Variants in HIVEP3 observed in about 807,000 individuals in gnomAD.
HIVEP3 encodes the protein transcription factor HIVEP3.
HIVEP3 carries 49 observed loss-of-function variants against 152.8 expected under a neutral mutation model. The ratio of observed to expected loss-of-function variants is 0.32; its 90% CI spans 0.26 to 0.41. The LOEUF (loss-of-function observed/expected upper bound fraction) is 0.41, where lower values mean the gene tolerates loss of function less well. HIVEP3 is among the 10% of genes least tolerant of loss of function. The pLI is 1.00. For missense variants in HIVEP3, 2,790 were observed against 3,103.3 expected (o/e 0.90, Z 2.40); for synonymous variants, 1,269 against 1,289.0 (o/e 0.98, Z 0.33).
intron 2 of HIVEP3, among the ~76,000 whole-genome samples, chr1:41,632,561 T>A (rs1334065078): frequency 2.6e-5 from 4 of 151,820 alleles, no homozygotes; most frequent in Non-Finnish European, 4.4e-5. Flanking sequence ...ATCGAGACCA[T>A]CCTGGCCAAC....
chr1:41,949,940 G>A (rs532312183), intron 1 of HIVEP3, among the ~76,000 whole-genome samples: 66 of 152,230 alleles, frequency 4.3e-4, no homozygotes, highest in Admixed American at 2.3e-3. Context: ...CAGTTAGAGC[G>A]GTCATCGGCC....
intron 1 of HIVEP3, among the ~76,000 whole-genome samples, chr1:41,932,203 C>G (rs1335910415): frequency 6.6e-6 from 1 of 151,670 alleles, no homozygotes; most frequent in African/African-American, 2.4e-5. Context: ...AAATAATCAT[C>G]GTTTTTCTTT....
intron 2 of HIVEP3, among the ~76,000 whole-genome samples, chr1:41,657,833 G>A (rs917077753): frequency 2.6e-5 from 4 of 152,184 alleles, no homozygotes; most frequent in East Asian, 1.9e-4. Context: ...TTGCAGGTCC[G>A]GGACAAGGGG....
intron 1 of HIVEP3, among the ~76,000 whole-genome samples, chr1:41,705,481 G>C (rs1646419382): frequency 6.6e-6 from 1 of 152,214 alleles, no homozygotes; most frequent in Non-Finnish European, 1.5e-5. Flanking sequence ...CCAGAAACAT[G>C]TTTGCTTGTA....
At chr1:41,527,881 ACACT>A (rs1222649174) in intron 5 of HIVEP3, among the ~76,000 whole-genome samples, 8 of 123,624 alleles carry the variant, frequency 6.5e-5, no homozygotes, top group South Asian at 2.6e-4. Context: ...TCACACATTC[ACACT>A]CACACCCCAC....
intron 1 of HIVEP3, among the ~76,000 whole-genome samples, chr1:41,903,907 T>C (rs1415702277): frequency 1.5e-5 from 2 of 131,782 alleles, no homozygotes. Context: ...TTTTTTTCTT[T>C]TTTTTTTTTT....
chr1:41,845,401 CTA>C (rs1643409494), intron 1 of HIVEP3, among the ~76,000 whole-genome samples: 2 of 135,628 alleles, frequency 1.5e-5, no homozygotes, highest in African/African-American at 5.9e-5. Flanking sequence ...TACACACCTC[CTA>C]TACACACACA....
At chr1:41,942,239 G>T (rs959116445) in intron 1 of HIVEP3, among the ~76,000 whole-genome samples, 11 of 152,148 alleles carry the variant, frequency 7.2e-5, no homozygotes, top group African/African-American at 2.7e-4. Context: ...ATCCATATGG[G>T]TGTCCCATGA....
At position 41,662,331 on chromosome 1, in the gene HIVEP3, C is replaced by T. The variant is rs2124048328; in HGVS notation, c.-720-33384G>A. 1.4e-5 allele frequency: 2 copies of T among 145,380 alleles called. No homozygotes were observed. Among genetic ancestry groups the T allele is most frequent in the African/African-American group, 4.9e-5 (2 of 40,686 alleles). 9.0% of individuals were successfully genotyped at this position (145,380 alleles called of 1,614,324 possible). On this transcript the variant is annotated intron_variant, in intron 2 of 8. Transcript: ENST00000372583. The surrounding 1 kb of genome is among the most constrained non-coding windows in gnomAD (Gnocchi z 7.2). ...GCGGGGTGGGCGCGGGGCGGGCTGG[C>T]GGGCGGGCGCCGGCGGCGGGCGCGG...
At position 41,867,157 on chromosome 1, in the gene HIVEP3, G is replaced by C. The variant is rs545518014; in HGVS notation, c.-801+51256C>G. On this transcript the variant is annotated intron_variant, in intron 1 of 8. Transcript: ENST00000372583. ...CACTCCAGCAGGAACTCCAGGTAGA[G>C]AGCTGTTCTGCAGTGGGCATTTCTA... Among the ~76,000 whole-genome samples the C allele has an allele frequency of 2.6e-5, 4 of 152,246 alleles. No homozygotes were observed. In the South Asian group the frequency reaches 6.2e-4, roughly 24 times the overall value.
At chr1:41,893,068 A>G (rs1401901497) in intron 1 of HIVEP3, among the ~76,000 whole-genome samples, 1 of 147,284 alleles carries the variant, frequency 6.8e-6, no homozygotes, top group Non-Finnish European at 1.5e-5. Flanking sequence ...GGCTGTAGCG[A>G]GCCATGTTCG....
intron 7 of HIVEP3, among the ~76,000 whole-genome samples, chr1:41,518,192 A>T (rs1253831661): frequency 6.6e-6 from 1 of 152,064 alleles, no homozygotes; most frequent in Non-Finnish European, 1.5e-5. Flanking sequence ...TCCTATCAGC[A>T]TGTGGGGAGG....
At position 41,530,534 on chromosome 1, in the gene HIVEP3, C is replaced by T. The variant is rs553951104; in HGVS notation, c.5208-5624G>A. On this transcript the variant is annotated intron_variant, in intron 5 of 8. Coordinates refer to ENST00000372583, the MANE Select transcript of HIVEP3 (RefSeq NM_024503.5). ...AGACAGAGTGAGGACAGCTTGGTCT[C>T]CCCTTTGCACTGGAAGCCCCGCAAC... is the stretch of plus-strand genomic sequence containing the variant. 1.1e-4 allele frequency among the ~76,000 whole-genome samples: 17 copies of T among 152,298 alleles called. No individual in the cohort carries two copies. The East Asian group carries it at 3.1e-3, about 28-fold the overall frequency.
chr1:41,740,065 C>A (rs1488440960), intron 1 of HIVEP3, among the ~76,000 whole-genome samples: 2 of 152,202 alleles, frequency 1.3e-5, no homozygotes, highest in Non-Finnish European at 2.9e-5. Flanking sequence ...CAAAGTCACA[C>A]AGCTAAGAAG....
At position 41,511,147 on chromosome 1, in the gene HIVEP3, G is replaced by T. The variant is rs1296124302; in HGVS notation, c.6525C>A (p.Asn2175Lys). 6.2e-7 allele frequency: 1 copy of T among 1,614,198 alleles called. No homozygotes were observed. The highest frequency in any genetic ancestry group is 8.5e-7 in the Non-Finnish European group (1 of 1,180,034). The change falls in exon 9 of 9, where the codon AAC becomes AAA. Residue 2175 changes from asparagine (N) to lysine (K), a missense_variant. Transcript: ENST00000372583. This position sits in a 1 kb window ranked among gnomAD's most constrained non-coding sequence, Gnocchi z 4.9. ...HGHILARTEENIFSHLPLHSQ... is the reference protein window; with the variant it reads ...HGHILARTEEKIFSHLPLHSQ... The stretch of plus-strand genomic sequence containing the variant: ...AGTGCAGAGGCAGGTGGCTGAAGAT[G>T]TTCTCCTCTGTCCGGGCCAGGATGT...
chr1:41,810,856 C>T (rs1021817346), intron 1 of HIVEP3, among the ~76,000 whole-genome samples: 3 of 150,040 alleles, frequency 2.0e-5, no homozygotes, highest in Admixed American at 6.6e-5. Flanking sequence ...CTTTAAGAAG[C>T]CAGGTGGCCT....
chr1:41,955,014 C>T (rs1025627891), intron 1 of HIVEP3, among the ~76,000 whole-genome samples: 3 of 147,298 alleles, frequency 2.0e-5, no homozygotes, highest in Non-Finnish European at 4.5e-5. Context: ...AAAATTGAGG[C>T]TGGGGAGGCT....
intron 2 of HIVEP3, among the ~76,000 whole-genome samples, chr1:41,650,619 T>C (rs1182078521): frequency 6.6e-6 from 1 of 151,740 alleles, no homozygotes; most frequent in African/African-American, 2.4e-5. Flanking sequence ...CAAGTCCTGC[T>C]TCATCCTCTC....
rs955853094 is a variant in HIVEP3 at position 41,509,148 on chromosome 1, G to A, written c.*1303C>T. On this transcript the variant is annotated 3_prime_UTR_variant, in exon 9 of 9. Coordinates refer to ENST00000372583, the MANE Select transcript of HIVEP3 (RefSeq NM_024503.5). ...TGCTTTGGAGAATTCCAACGAGTTA[G>A]GACAATTCAAAAATCCTCTAGGTCA... The A allele has an allele frequency of 1.3e-5, 2 of 152,178 alleles. No homozygotes were observed. The highest frequency in any genetic ancestry group is 4.8e-5 in the African/African-American group (2 of 41,420). The allele number at this position is 152,178 out of a possible 1,614,324, so 9.4% of individuals were successfully genotyped here.
Sources: gnomAD v4.1 joint callset for allele counts (sites outside exome capture counted in the v4.1 genomes callset) on GRCh38, gnomAD v4.1.1 for gene constraint, Gnocchi (gnomAD v3.1) non-coding constraint, MANE v1.5 for transcripts, NCBI Gene and HGNC (gene_info 2026-07-23, HGNC 2026-07-21) for gene names.